C12orf42: variants seen among roughly 807,000 people sequenced by gnomAD.
C12orf42 encodes uncharacterized protein C12orf42.
Under a neutral mutation model 21.6 loss-of-function variants are expected in C12orf42, and 25 were observed. That is an observed-to-expected ratio of 1.16 (90% CI 0.84 to 1.62). The LOEUF is 1.62. Among genes scored for constraint, C12orf42 ranks in the 40% most tolerant of loss-of-function variants. The pLI, the probability that C12orf42 is intolerant of heterozygous loss-of-function variation, is 0.00. For missense variants in C12orf42, 483 were observed against 459.3 expected (o/e 1.05, Z -0.47); for synonymous variants, 174 against 175.0 (o/e 0.99, Z 0.05).
the C12orf42 span, among the ~76,000 whole-genome samples, chr12:103,121,317 G>T: frequency 6.6e-6 from 1 of 152,194 alleles, no homozygotes; most frequent in Non-Finnish European, 1.5e-5. Flanking sequence ...TACCAGAGAA[G>T]AGACAAGAGA....
At chr12:103,176,395 T>C in the C12orf42 span, among the ~76,000 whole-genome samples, 3 of 152,068 alleles carry the variant, frequency 2.0e-5, no homozygotes, top group African/African-American at 4.8e-5. Context: ...CTCATATTTA[T>C]AACAGAGAAA....
chr12:103,561,606 G>A, the C12orf42 span, among the ~76,000 whole-genome samples: 2 of 152,088 alleles, frequency 1.3e-5, no homozygotes, highest in Non-Finnish European at 2.9e-5. Context: ...TCCCATCAAG[G>A]GTTAGGATTT....
chr12:103,330,967 C>A (rs2041192379), intron 4 of C12orf42, among the ~76,000 whole-genome samples: 1 of 152,086 alleles, frequency 6.6e-6, no homozygotes, highest in South Asian at 2.1e-4. Context: ...AATCAGGGAG[C>A]CTAGAATGAT....
the C12orf42 span, among the ~76,000 whole-genome samples, chr12:103,502,546 A>G: frequency 6.6e-6 from 1 of 152,070 alleles, no homozygotes; most frequent in Non-Finnish European, 1.5e-5. Flanking sequence ...ACTCTTTCCC[A>G]GGTTTTCATA....
At chr12:103,056,863 A>G in the C12orf42 span, among the ~76,000 whole-genome samples, 1 of 151,952 alleles carries the variant, frequency 6.6e-6, no homozygotes, top group Non-Finnish European at 1.5e-5. Context: ...GTGAGTTTCT[A>G]TTTTTCTGCT....
the C12orf42 span, among the ~76,000 whole-genome samples, chr12:103,194,192 A>G: frequency 6.6e-6 from 1 of 152,108 alleles, no homozygotes; most frequent in Non-Finnish European, 1.5e-5. Flanking sequence ...AATAAAGGCT[A>G]TATATGAAAA....
At chr12:103,555,081 A>C in the C12orf42 span, among the ~76,000 whole-genome samples, 1 of 152,220 alleles carries the variant, frequency 6.6e-6, no homozygotes, top group Non-Finnish European at 1.5e-5. Flanking sequence ...TTGCGTGAGC[A>C]TGAGAATCAC....
At chr12:103,316,243 A>C (rs1049185838) in intron 4 of C12orf42, among the ~76,000 whole-genome samples, 1 of 151,960 alleles carries the variant, frequency 6.6e-6, no homozygotes, top group African/African-American at 2.4e-5. Context: ...ACTTAAAAAC[A>C]AATTACAGTA....
At chr12:103,558,772 C>T in the C12orf42 span, 1 of 152,132 alleles carries the variant, frequency 6.6e-6, no homozygotes, top group Non-Finnish European at 1.5e-5. Context: ...CAGACCCTAC[C>T]TACATTAGGG....
At chr12:103,173,024 T>A in the C12orf42 span, among the ~76,000 whole-genome samples, 1 of 152,172 alleles carries the variant, frequency 6.6e-6, no homozygotes, top group Non-Finnish European at 1.5e-5. Context: ...GAAATAAATG[T>A]TTTTAGGGGG....
intron 4 of C12orf42, among the ~76,000 whole-genome samples, chr12:103,281,356 T>A (rs1169763722): frequency 6.6e-6 from 1 of 152,198 alleles, no homozygotes; most frequent in Non-Finnish European, 1.5e-5. Flanking sequence ...TTTTGTATCA[T>A]CCTGACGTGT....
chr12:103,276,820 T>C (rs2136287635), intron 5 of C12orf42, among the ~76,000 whole-genome samples: 1 of 152,262 alleles, frequency 6.6e-6, no homozygotes, highest in African/African-American at 2.4e-5. Context: ...GGATAGGAGT[T>C]TTCATAGTTG....
chr12:103,342,678 T>C (rs867906819), intron 4 of C12orf42, among the ~76,000 whole-genome samples: 5 of 110,248 alleles, frequency 4.5e-5, no homozygotes, highest in Middle Eastern at 7.8e-3. Context: ...CCGCATCCCA[T>C]CTTTCTACAA....
the C12orf42 span, among the ~76,000 whole-genome samples, chr12:103,226,942 C>T: frequency 1.3e-5 from 2 of 152,104 alleles, no homozygotes; most frequent in African/African-American, 4.8e-5. Flanking sequence ...GCCTATTTTA[C>T]AACAAGAATT....
chr12:103,317,857 G>GTA (rs1490905758), intron 4 of C12orf42, among the ~76,000 whole-genome samples: 2 of 151,942 alleles, frequency 1.3e-5, no homozygotes, highest in Non-Finnish European at 2.9e-5. Flanking sequence ...GTACAAAAGG[G>GTA]TATATATATA....
At chr12:103,130,614 G>A in the C12orf42 span, among the ~76,000 whole-genome samples, 1 of 152,098 alleles carries the variant, frequency 6.6e-6, no homozygotes, top group Non-Finnish European at 1.5e-5. Flanking sequence ...AGCACCCATG[G>A]AGGGGAGAGG....
intron 4 of C12orf42, among the ~76,000 whole-genome samples, chr12:103,347,284 T>C (rs893656970): frequency 6.6e-6 from 1 of 151,724 alleles, no homozygotes; most frequent in African/African-American, 2.4e-5. Flanking sequence ...AACTCCCACT[T>C]CTGAGTGAGA....
the C12orf42 span, among the ~76,000 whole-genome samples, chr12:103,092,275 A>G: frequency 6.6e-6 from 1 of 152,118 alleles, no homozygotes; most frequent in East Asian, 1.9e-4. Flanking sequence ...GTTCCGGGGG[A>G]TATGCTTTGA....
chr12:103,377,623 C>A (rs934610510), intron 3 of C12orf42, among the ~76,000 whole-genome samples: 1 of 152,102 alleles, frequency 6.6e-6, no homozygotes, highest in African/African-American at 2.4e-5. Flanking sequence ...GTCCTTCTGG[C>A]CTAATTTTGC....
Sources: gnomAD v4.1 joint callset for allele counts (sites outside exome capture counted in the v4.1 genomes callset) on GRCh38, gnomAD v4.1.1 for gene constraint, MANE v1.5 for transcripts, NCBI Gene and HGNC (gene_info 2026-07-23, HGNC 2026-07-21) for gene names.